The following NBAS variants were observed in gnomAD, a reference collection of about 807,000 sequenced individuals.
The protein encoded by NBAS is NBAS subunit of NRZ tethering complex, also known as NAG/BC035112 fusion.
In NBAS, 219 loss-of-function variants were observed where a neutral mutation model predicts 302.5. The ratio of observed to expected loss-of-function variants is 0.72; its 90% CI spans 0.65 to 0.81. NBAS has a LOEUF of 0.81. Ranked by LOEUF, NBAS falls within the 30% of genes least tolerant of loss-of-function variation. The pLI, the probability that NBAS is intolerant of heterozygous loss-of-function variation, is 0.00. For missense variants in NBAS, 2,932 were observed against 2,841.6 expected, an observed-to-expected ratio of 1.03 and a Z score of -0.72; for synonymous variants, 1,118 against 1,021.6, an observed-to-expected ratio of 1.09 and a Z score of -1.80.
chr2:14,870,370 T>C, the NBAS span, among the ~76,000 whole-genome samples: 7 of 152,256 alleles, frequency 4.6e-5, no homozygotes, highest in East Asian at 1.4e-3. Context: ...TTGAAGAAAC[T>C]ACCAAGTGCA....
intron 38 of NBAS, among the ~76,000 whole-genome samples, chr2:15,324,716 C>CA (rs1671984226): frequency 6.6e-6 from 1 of 152,192 alleles, no homozygotes; most frequent in East Asian, 1.9e-4. Flanking sequence ...GGCTAGCACA[C>CA]AGGTGGCTCG....
rs975400132 is a variant in NBAS at position 15,231,788 on chromosome 2, T to C, written c.6236+634A>G. ...CATTATATTCTATCATATTTTCAATTAAAGAAAGAAAATTGGGGAGAGGAC... is the reference window on the plus strand; with the variant it reads ...CATTATATTCTATCATATTTTCAATCAAAGAAAGAAAATTGGGGAGAGGAC... On this transcript the variant is annotated intron_variant, in intron 47 of 51. Transcript: ENST00000281513. 6.6e-5 allele frequency among the ~76,000 whole-genome samples: 10 copies of C among 152,278 alleles called. 1 individual carries two copies. The South Asian group carries it at 1.0e-3, about 16-fold the overall frequency.
chr2:15,255,941 T>C (rs1307959141), intron 44 of NBAS, among the ~76,000 whole-genome samples: 1 of 152,244 alleles, frequency 6.6e-6, no homozygotes, highest in Non-Finnish European at 1.5e-5. Flanking sequence ...AGTGCTGTTT[T>C]GGTAACTATT....
At chr2:15,103,571 T>C in the NBAS span, among the ~76,000 whole-genome samples, 1 of 152,212 alleles carries the variant, frequency 6.6e-6, no homozygotes, top group Non-Finnish European at 1.5e-5. Flanking sequence ...TTTGGGAAGA[T>C]GGACCGTGTC....
chr2:14,823,956 T>C, the NBAS span, among the ~76,000 whole-genome samples: 1 of 152,214 alleles, frequency 6.6e-6, no homozygotes, highest in Non-Finnish European at 1.5e-5. Context: ...TGTCTCCTGA[T>C]ACTTTCCCCA....
intron 21 of NBAS, among the ~76,000 whole-genome samples, chr2:15,431,459 T>C (rs933480106): frequency 6.6e-6 from 1 of 152,260 alleles, no homozygotes; most frequent in African/African-American, 2.4e-5. Context: ...CCAGCCAACA[T>C]AAAAACTCTT....
Position 15,266,732 on chromosome 2 carries a change from C to T in NBAS, c.5724+8752G>A, listed in dbSNP as rs188288531. 8.6e-3 allele frequency among the ~76,000 whole-genome samples: 1,312 copies of T among 152,196 alleles called. 8 individuals are homozygous for T. The highest frequency in any genetic ancestry group is 0.013 in the Non-Finnish European group (906 of 68,008). ...TTAATATTGTAGGGTCCTAGGGCTTCATTCTCTCTCCTCCTTCCTTCTCTA... is the reference window on the plus strand; with the variant it reads ...TTAATATTGTAGGGTCCTAGGGCTTTATTCTCTCTCCTCCTTCCTTCTCTA... On this transcript the variant is annotated intron_variant, in intron 44 of 51. Coordinates refer to ENST00000281513, the MANE Select transcript of NBAS (RefSeq NM_015909.4).
At chr2:15,123,398 A>G in the NBAS span, among the ~76,000 whole-genome samples, 1 of 152,016 alleles carries the variant, frequency 6.6e-6, no homozygotes, top group East Asian at 1.9e-4. Flanking sequence ...AGGTGAAGGG[A>G]GCTGATATAG....
chr2:15,038,240 G>A, the NBAS span, among the ~76,000 whole-genome samples: 1 of 151,692 alleles, frequency 6.6e-6, no homozygotes, highest in Non-Finnish European at 1.5e-5. Flanking sequence ...AGCTTCCTGA[G>A]TAGCTGGGAC....
chr2:15,063,852 G>A, the NBAS span, among the ~76,000 whole-genome samples: 1 of 152,288 alleles, frequency 6.6e-6, no homozygotes, highest in Admixed American at 6.5e-5. Flanking sequence ...AGAATCATGA[G>A]AAAATAAACT....
At chr2:14,788,107 A>T in the NBAS span, among the ~76,000 whole-genome samples, 3 of 152,078 alleles carry the variant, frequency 2.0e-5, no homozygotes, top group African/African-American at 7.2e-5. Flanking sequence ...CTTCCAGTTG[A>T]TCGCATCGGC....
At chr2:15,503,209 T>C (rs1661662776) in intron 11 of NBAS, among the ~76,000 whole-genome samples, 1 of 152,150 alleles carries the variant, frequency 6.6e-6, no homozygotes, top group South Asian at 2.1e-4. Flanking sequence ...TGAAGAACAT[T>C]CCTAAGGCTG....
chr2:14,833,838 A>C, the NBAS span, among the ~76,000 whole-genome samples: 1 of 151,846 alleles, frequency 6.6e-6, no homozygotes, highest in Non-Finnish European at 1.5e-5. Flanking sequence ...GATATCTCAA[A>C]TTTTTTCTAA....
At chr2:15,107,319 C>T in the NBAS span, among the ~76,000 whole-genome samples, 1 of 152,198 alleles carries the variant, frequency 6.6e-6, no homozygotes, top group Non-Finnish European at 1.5e-5. Flanking sequence ...AGAAAGTCCT[C>T]ATGAGAACCC....
the NBAS span, among the ~76,000 whole-genome samples, chr2:15,031,224 A>T: frequency 6.6e-6 from 1 of 152,232 alleles, no homozygotes; most frequent in South Asian, 2.1e-4. Context: ...GTTATCAGCA[A>T]CCAACAATCT....
At chr2:15,155,845 C>T in the NBAS span, among the ~76,000 whole-genome samples, 1 of 152,286 alleles carries the variant, frequency 6.6e-6, no homozygotes, top group Non-Finnish European at 1.5e-5. Context: ...TCCTACAGAG[C>T]CTGGCTCCAT....
chr2:15,117,457 G>A, the NBAS span, among the ~76,000 whole-genome samples: 1 of 152,188 alleles, frequency 6.6e-6, no homozygotes, highest in South Asian at 2.1e-4. Context: ...CACACTTGGT[G>A]TCCCTGGCTT....
chr2:15,370,534 C>T (rs1674431333), intron 31 of NBAS, among the ~76,000 whole-genome samples: 1 of 152,194 alleles, frequency 6.6e-6, no homozygotes, highest in African/African-American at 2.4e-5. Flanking sequence ...TGAGCTCAAG[C>T]AAACCACCCA....
At chr2:14,955,453 C>T in the NBAS span, among the ~76,000 whole-genome samples, 1 of 152,218 alleles carries the variant, frequency 6.6e-6, no homozygotes, top group Non-Finnish European at 1.5e-5. Context: ...CAGGCAGTGC[C>T]CCAGTGGGGA....
Sources: allele counts gnomAD v4.1 joint callset (sites outside exome capture counted in the v4.1 genomes callset), GRCh38; gene constraint gnomAD v4.1.1; transcripts MANE v1.5; gene names NCBI Gene and HGNC (gene_info 2026-07-23, HGNC 2026-07-21).